EFCAB8: variants seen among roughly 807,000 people sequenced by gnomAD.
EFCAB8 encodes the protein EF-hand calcium binding domain 8.
EFCAB8 carries 100 observed loss-of-function variants against 116.3 expected under a neutral mutation model. The ratio of observed to expected loss-of-function variants is 0.86; its 90% CI spans 0.73 to 1.02. The LOEUF (loss-of-function observed/expected upper bound fraction) is 1.02. Among genes scored for constraint, EFCAB8 ranks in the 50% least tolerant of loss-of-function variants. The pLI, the probability that EFCAB8 is intolerant of heterozygous loss-of-function variation, is 0.00. For missense variants in EFCAB8, 1,320 were observed against 1,416.9 expected (o/e 0.93, Z 1.10); for synonymous variants, 558 against 567.9 (o/e 0.98, Z 0.25).
chr20:32,896,389 A>G lies in EFCAB8; in HGVS notation c.884-65A>G. The G allele has an allele frequency of 5.7e-6, 4 of 705,282 alleles. No homozygotes were observed. The South Asian group carries it at 6.1e-5, about 11-fold the overall frequency. 43.7% of individuals were successfully genotyped at this position (705,282 alleles called of 1,614,324 possible). On this transcript the variant is annotated intron_variant, in intron 9 of 26. Transcript: ENST00000400522. ...GCAAGCCAACTCAAGACGTCTTCTG[A>G]GGCTTTGCTTGCCAAGCGAAGGGGG... is the stretch of plus-strand genomic sequence containing the variant.
chr20:32,959,833 C>G lies in EFCAB8; in HGVS notation c.3145C>G (p.Leu1049Val). Residue 1049 changes from leucine to valine, a missense_variant, in exon 25 of 27, where the codon CTG becomes GTG. By Grantham distance (32) the Leu-to-Val change is conservative (BLOSUM62 1). Coordinates refer to ENST00000400522, the MANE Select transcript of EFCAB8 (RefSeq NM_001143967.2). ...LIYQRREQAA[L>V]MALLHGKADK... Reference sequence around the variant, plus strand: ...ATACCAGCGGCGAGAGCAGGCGGCGCTGATGGCTCTCCTGCATGGGAAGGC... The same window carrying G: ...ATACCAGCGGCGAGAGCAGGCGGCGGTGATGGCTCTCCTGCATGGGAAGGC... The G allele has an allele frequency of 6.5e-7, 1 of 1,544,032 alleles. No homozygotes were observed. The highest frequency in any genetic ancestry group is 8.8e-7 in the Non-Finnish European group (1 of 1,142,214).
At chr20:32,886,520 G>A (rs1600384368) in intron 6 of EFCAB8, among the ~76,000 whole-genome samples, 1 of 152,124 alleles carries the variant, frequency 6.6e-6, no homozygotes, top group East Asian at 1.9e-4. Flanking sequence ...GTTGCATCAG[G>A]GCTCATCCTT....
chr20:32,918,581 G>T lies in EFCAB8; in HGVS notation c.2274+7G>T. On this transcript the variant is annotated splice_region_variant and intron_variant, in intron 19 of 26. Coordinates refer to ENST00000400522, the MANE Select transcript of EFCAB8 (RefSeq NM_001143967.2). ...CAGGCCTGTGCCCCAGCAGGTGGGA[G>T]CGAGAGCCCAACCAGAAGGCTACCC... 6.4e-7 allele frequency: 1 copy of T among 1,551,298 alleles called. No individual in the cohort carries two copies. The highest frequency in any genetic ancestry group is 8.7e-7 in the Non-Finnish European group (1 of 1,146,860).
At chr20:32,957,758 G>A (rs981247849) in intron 23 of EFCAB8, among the ~76,000 whole-genome samples, 9 of 151,858 alleles carry the variant, frequency 5.9e-5, no homozygotes, top group Non-Finnish European at 1.2e-4. Context: ...CATTCAGCCC[G>A]TGTGTAGACT....
chr20:32,946,505 G>A lies in EFCAB8; in HGVS notation c.2959+2701G>A, dbSNP rs557887448. 1.5e-3 allele frequency among the ~76,000 whole-genome samples: 229 copies of A among 152,292 alleles called. 1 individual carries two copies. The highest frequency in any genetic ancestry group is 5.1e-3 in the African/African-American group (213 of 41,564). ...GTTGTTCAGTCAGTGTCTCCATAGGGAGAAGGAAGTTCTGGATCTTCCTAT... is the reference window on the plus strand; with the variant it reads ...GTTGTTCAGTCAGTGTCTCCATAGGAAGAAGGAAGTTCTGGATCTTCCTAT... On this transcript the variant is annotated intron_variant, in intron 23 of 26. Transcript: ENST00000400522.
intron 11 of EFCAB8, among the ~76,000 whole-genome samples, chr20:32,901,128 T>A (rs1165760757): frequency 6.6e-6 from 1 of 152,232 alleles, no homozygotes; most frequent in Non-Finnish European, 1.5e-5. Context: ...AGTCTTGGGT[T>A]CAGTGCTTTG....
intron 2 of EFCAB8, among the ~76,000 whole-genome samples, chr20:32,866,501 A>G (rs1045457739): frequency 1.3e-5 from 2 of 150,244 alleles, no homozygotes; most frequent in Non-Finnish European, 3.0e-5. Context: ...AGGAAGCATC[A>G]TGAGGCCTGG....
intron 20 of EFCAB8, among the ~76,000 whole-genome samples, chr20:32,924,228 T>TA (rs112264542): frequency 1.6e-4 from 25 of 152,160 alleles, no homozygotes; most frequent in Middle Eastern, 3.4e-3. Context: ...CCTGGCTCAT[T>TA]AAAAAAATAT....
At chr20:32,916,013 A>T (rs1829720342) in intron 17 of EFCAB8, among the ~76,000 whole-genome samples, 1 of 152,040 alleles carries the variant, frequency 6.6e-6, no homozygotes, top group Non-Finnish European at 1.5e-5. Context: ...ATTTTTAGGT[A>T]TTTGTTACAA....
chr20:32,866,801 C>CTCCCTCCCTCTCTTCCTTCCTTCCT (rs1984432033), intron 2 of EFCAB8, among the ~76,000 whole-genome samples: 1 of 144,278 alleles, frequency 6.9e-6, no homozygotes, highest in Non-Finnish European at 1.5e-5. Flanking sequence ...CCTTCCCTCC[C>CTCCCTCCCTCTCTTCCTTCCTTCCT]TCCCTCCCTC....
chr20:32,931,244 G>C lies in EFCAB8; in HGVS notation c.2698G>C (p.Val900Leu), dbSNP rs947025120. Residue 900 changes from valine to leucine, a missense_variant, in exon 22 of 27, where the codon GTT (valine) becomes CTT (leucine). Coordinates refer to ENST00000400522, the MANE Select transcript of EFCAB8 (RefSeq NM_001143967.2). The stretch of plus-strand genomic sequence containing the variant: ...GCCATTCCAATCCAGTGGGGCCAAG[G>C]TTGTCTCTGAAGCACACAACAAGTT... Reference protein sequence around the residue: ...KQPFQSSGAKVVSEAHNKFRL... With the variant: ...KQPFQSSGAKLVSEAHNKFRL... 1 of 1,551,352 alleles carries C rather than the reference G, an allele frequency of 6.4e-7. No individual in the cohort carries two copies. The highest frequency in any genetic ancestry group is 2.4e-5 in the East Asian group (1 of 40,914).
chr20:32,950,827 T>C (rs1988775612), intron 23 of EFCAB8, among the ~76,000 whole-genome samples: 1 of 152,230 alleles, frequency 6.6e-6, no homozygotes, highest in Non-Finnish European at 1.5e-5. Context: ...TGTATTTTAC[T>C]GTCTGCTCTT....
At chr20:32,866,717 G>A (rs1333704487) in intron 2 of EFCAB8, among the ~76,000 whole-genome samples, 1 of 151,710 alleles carries the variant, frequency 6.6e-6, no homozygotes. Context: ...TGGATTCCCT[G>A]GGGTTTTCTT....
intron 2 of EFCAB8, among the ~76,000 whole-genome samples, chr20:32,866,159 A>G (rs550537997): frequency 3.9e-5 from 6 of 152,192 alleles, no homozygotes; most frequent in Non-Finnish European, 7.3e-5. Flanking sequence ...TGCTGTATCC[A>G]CAGTGCCTAG....
intron 10 of EFCAB8, chr20:32,898,249 A>G: frequency 2.3e-6 from 1 of 437,686 alleles, no homozygotes; most frequent in South Asian, 3.9e-5. Context: ...CTAACTCACA[A>G]GATTTCAAAT....
At chr20:32,913,946 T>G (rs1237191311) in intron 17 of EFCAB8, among the ~76,000 whole-genome samples, 1 of 152,244 alleles carries the variant, frequency 6.6e-6, no homozygotes, top group Admixed American at 6.5e-5. Context: ...ACTGGAACCC[T>G]AAGACTCTGG....
intron 9 of EFCAB8, among the ~76,000 whole-genome samples, chr20:32,895,498 T>A (rs1986114485): frequency 6.6e-6 from 1 of 151,510 alleles, no homozygotes; most frequent in African/African-American, 2.4e-5. Flanking sequence ...GCTAATTTTT[T>A]ATTTTTTTGA....
chr20:32,911,804 G>A, intron 16 of EFCAB8, 97 bp downstream of exon 16: 9 of 1,227,160 alleles, frequency 7.3e-6, no homozygotes, highest in Non-Finnish European at 1.0e-5. Context: ...GTACCTCTCT[G>A]AAAGGGTGTT....
intron 6 of EFCAB8, among the ~76,000 whole-genome samples, chr20:32,887,885 A>G (rs1985713690): frequency 6.6e-6 from 1 of 152,232 alleles, no homozygotes; most frequent in Non-Finnish European, 1.5e-5. Context: ...ATTATCGGTT[A>G]GTAAGCCAAT....
Sources: allele counts gnomAD v4.1 joint callset (sites outside exome capture counted in the v4.1 genomes callset), GRCh38; gene constraint gnomAD v4.1.1; transcripts MANE v1.5; gene names NCBI Gene and HGNC (gene_info 2026-07-23, HGNC 2026-07-21).